ZNF695: variants seen among roughly 807,000 people sequenced by gnomAD.
ZNF695 encodes the protein zinc finger protein 695.
A neutral mutation model predicts 11.2 loss-of-function variants in ZNF695; 11 were observed. That is an observed-to-expected ratio of 0.98 (90% confidence interval 0.62 to 1.62). ZNF695 has a LOEUF of 1.62. Ranked by LOEUF, ZNF695 falls within the 40% of genes most tolerant of loss-of-function variation. The pLI, the probability that ZNF695 is intolerant of heterozygous loss-of-function variation, is 0.00. For synonymous variants in ZNF695, 190 were observed against 201.4 expected, an observed-to-expected ratio of 0.94 and a Z score of 0.48; for missense variants, 559 against 590.5, an observed-to-expected ratio of 0.95 and a Z score of 0.55.
exon 5 of ZNF695, chr1:246,967,701 G>A (rs749897888): frequency 2.5e-6 from 1 of 394,156 alleles, no homozygotes; most frequent in South Asian, 1.9e-5. Context: ...TCACGGTTCT[G>A]TGGGCTTTAC....
Position 246,988,099 on chromosome 1 carries a change from G to T in ZNF695, c.416C>A (p.Ala139Glu). The T allele has an allele frequency of 6.2e-7, 1 of 1,613,474 alleles. No individual in the cohort carries two copies. Among genetic ancestry groups the T allele is most frequent in the Non-Finnish European group, 8.5e-7 (1 of 1,179,752 alleles). ...EIVGEWKGQK[A>E]SYNGLDLCSA... ...GCATAGGTCAAGTCCATTATAACTT[G>T]CCTTCTGCCCTTTCCACTCACCCAC... The change falls in exon 4 of 4, where the codon GCA becomes GAA. Residue 139 changes from alanine (A) to glutamate (E), a missense_variant. Transcript: ENST00000339986.
chr1:246,999,157 G>C (rs369481885), intron 3 of ZNF695, among the ~76,000 whole-genome samples, 191 bp downstream of exon 3: 1 of 152,040 alleles, frequency 6.6e-6, no homozygotes, highest in South Asian at 2.1e-4. Context: ...ATGACTGAAG[G>C]GAAATACAGT....
intron 1 of ZNF695, among the ~76,000 whole-genome samples, chr1:247,005,419 T>C (rs1669503093): frequency 6.6e-6 from 1 of 152,130 alleles, no homozygotes; most frequent in Non-Finnish European, 1.5e-5. Context: ...TGGCCGGGTG[T>C]GGTGGCTCAT....
chr1:246,984,152 CAAAAAAAA>C (rs11321674), downstream of ZNF695, among the ~76,000 whole-genome samples: 8 of 91,630 alleles, frequency 8.7e-5, no homozygotes, highest in East Asian at 6.9e-4. Flanking sequence ...ACCATGTCTC[CAAAAAAAA>C]AAAAAAAAAA....
chr1:247,000,263 T>C (rs1348556670), intron 1 of ZNF695, among the ~76,000 whole-genome samples, 189 bp from the exon 2 acceptor site: 1 of 152,130 alleles, frequency 6.6e-6, no homozygotes, highest in Non-Finnish European at 1.5e-5. Context: ...TCCCAACACT[T>C]TGGGAGGCCG....
intron 1 of ZNF695, among the ~76,000 whole-genome samples, chr1:247,002,522 C>T (rs1669416710): frequency 6.6e-6 from 1 of 152,128 alleles, no homozygotes; most frequent in Non-Finnish European, 1.5e-5. Context: ...GTGGTGGCTC[C>T]CGCATGTAAT....
At chr1:246,997,400 G>A (rs1429083344) in intron 3 of ZNF695, among the ~76,000 whole-genome samples, 1 of 152,080 alleles carries the variant, frequency 6.6e-6, no homozygotes, top group Non-Finnish European at 1.5e-5. Context: ...CTACTGGGGA[G>A]GCTGAGGCAG....
intron 3 of ZNF695, among the ~76,000 whole-genome samples, chr1:246,993,750 A>G (rs1014178472): frequency 5.9e-5 from 9 of 152,224 alleles, no homozygotes; most frequent in African/African-American, 1.9e-4. Flanking sequence ...GAACACAGAC[A>G]ACTAAATGAA....
intron 5 of ZNF695, among the ~76,000 whole-genome samples, chr1:246,951,222 A>G (rs1442131522): frequency 6.6e-6 from 1 of 152,074 alleles, no homozygotes; most frequent in Non-Finnish European, 1.5e-5. Flanking sequence ...TGTGTTCCCC[A>G]AAAAGGTATG....
chr1:246,979,598 C>G lies in ZNF695; in HGVS notation c.390+8527G>C, dbSNP rs946793113. Among the ~76,000 whole-genome samples the G allele has an allele frequency of 3.9e-5, 6 of 152,080 alleles. No homozygotes were observed. In the East Asian group the frequency reaches 1.2e-3, roughly 29 times the overall value. The stretch of plus-strand genomic sequence containing the variant: ...GAAATGTTATTGAAATCTTTACTAC[C>G]CATTCGCTAGGTGAAATTATCTAAA... On this transcript the variant is annotated intron_variant, in intron 4 of 5. Transcript: ENST00000487338.
Position 246,987,080 on chromosome 1 carries a change from G to C in ZNF695, c.1435C>G (p.Leu479Val). 1 of 1,614,076 alleles carries C rather than the reference G, an allele frequency of 6.2e-7. No individual in the cohort carries two copies. Among genetic ancestry groups the C allele is most frequent in the Non-Finnish European group, 8.5e-7 (1 of 1,180,000 alleles). Reference sequence around the variant, plus strand: ...GTATGAATTGTCTTATGTTTAGAAAGGTGTGAGCTCTGGCCAAAGGCTTTG... The same window carrying C: ...GTATGAATTGTCTTATGTTTAGAAACGTGTGAGCTCTGGCCAAAGGCTTTG... ...CGKAFGQSSH[L>V]SKHKTIHTRE... The change falls in exon 4 of 4, where the codon CTT (leucine) becomes GTT (valine). Residue 479 changes from leucine to valine, a missense_variant. By Grantham distance (32) the Leu-to-Val change is conservative (BLOSUM62 1). Transcript: ENST00000339986.
At chr1:246,976,952 T>A (rs534434087) in intron 4 of ZNF695, among the ~76,000 whole-genome samples, 4 of 152,216 alleles carry the variant, frequency 2.6e-5, no homozygotes, top group African/African-American at 9.7e-5. Flanking sequence ...TTAGACATTA[T>A]AAATTTACAA....
chr1:246,994,735 G>A (rs1558318460), intron 3 of ZNF695, among the ~76,000 whole-genome samples: 1 of 152,062 alleles, frequency 6.6e-6, no homozygotes, highest in Admixed American at 6.6e-5. Context: ...TACTCGGGAG[G>A]CTGAGGCAGG....
At position 246,999,400 on chromosome 1, in the gene ZNF695, C is replaced by T. The variant is rs1669300464; in HGVS notation, c.207G>A (p.Glu69=). 1.9e-6 allele frequency: 3 copies of T among 1,613,952 alleles called. No homozygotes were observed. In the South Asian group the frequency reaches 3.3e-5, roughly 18 times the overall value. ...TCACGTTCCAGGGCTCTTTCCTTGC[C>T]TCCAGACAGATGATCAGTTCTGGCT... ...MSKPELIICL[E]ARKEPWNVNT... Residue 69 remains glutamate (E), a synonymous_variant, in exon 3 of 4, where the codon GAG becomes GAA. Coordinates refer to ENST00000339986, the MANE Select transcript of ZNF695 (RefSeq NM_020394.5).
At position 246,987,985 on chromosome 1, in the gene ZNF695, C is replaced by T. The variant is rs1668907060; in HGVS notation, c.530G>A (p.Ser177Asn). The T allele has an allele frequency of 6.2e-7, 1 of 1,602,914 alleles. No individual in the cohort carries two copies. Among genetic ancestry groups the T allele is most frequent in the Non-Finnish European group, 8.5e-7 (1 of 1,176,426 alleles). Residue 177 changes from serine to asparagine, a missense_variant, in exon 4 of 4, where the codon AGC becomes AAC. Coordinates refer to ENST00000339986, the MANE Select transcript of ZNF695 (RefSeq NM_020394.5). ...TTTGAATGGTTTTTCTCCAGTATGG[C>T]TTATCTTACATTTATTTAGATTTGC... ...KFANLNKCKISHTGEKPFKCK... is the reference protein window; with the variant it reads ...KFANLNKCKINHTGEKPFKCK...
intron 5 of ZNF695, among the ~76,000 whole-genome samples, chr1:246,959,310 A>AAAAT (rs1558304450): frequency 4.1e-4 from 21 of 51,234 alleles, no homozygotes; most frequent in East Asian, 6.6e-4. Context: ...AAAAAAAAAA[A>AAAAT]ATATATATAT....
intron 5 of ZNF695, among the ~76,000 whole-genome samples, chr1:246,958,287 T>C (rs1350628976): frequency 6.6e-6 from 1 of 152,192 alleles, no homozygotes; most frequent in African/African-American, 2.4e-5. Context: ...CTTGATCTCC[T>C]GACCTCGTGA....
intron 3 of ZNF695, among the ~76,000 whole-genome samples, chr1:246,991,297 G>T (rs1275907861): frequency 1.3e-5 from 2 of 152,012 alleles, no homozygotes; most frequent in African/African-American, 4.8e-5. Flanking sequence ...AAGTTAAAAA[G>T]CTTCTGCACA....
At chr1:246,996,163 T>C (rs112159226) in intron 3 of ZNF695, 17 of 361,880 alleles carry the variant, frequency 4.7e-5, no homozygotes, top group African/African-American at 1.6e-4. Flanking sequence ...CTGGCCAACA[T>C]GGCGAAACCT....
Sources: gnomAD v4.1 joint callset for allele counts (sites outside exome capture counted in the v4.1 genomes callset) on GRCh38, gnomAD v4.1.1 for gene constraint, MANE v1.5 for transcripts, NCBI Gene and HGNC (gene_info 2026-07-23, HGNC 2026-07-21) for gene names.